PPP2R3A: variants seen among roughly 807,000 people sequenced by gnomAD.
PPP2R3A encodes the protein protein phosphatase 2 regulatory subunit B''alpha.
PPP2R3A carries 80 observed loss-of-function variants against 106.9 expected under a neutral mutation model. That is an observed-to-expected ratio of 0.75 (90% CI 0.62 to 0.90). PPP2R3A has a LOEUF of 0.90. Ranked by LOEUF, PPP2R3A falls within the 40% of genes least tolerant of loss-of-function variation. PPP2R3A has a pLI of 0.00. For missense variants in PPP2R3A, 1,386 were observed against 1,350.4 expected (o/e 1.03, Z -0.41); for synonymous variants, 483 against 468.3 (o/e 1.03, Z -0.41).
At chr3:136,143,262 G>A (rs1938949808) in intron 13 of PPP2R3A, among the ~76,000 whole-genome samples, 1 of 152,196 alleles carries the variant, frequency 6.6e-6, no homozygotes, top group East Asian at 1.9e-4. Context: ...GCTGATGGGG[G>A]TGGATCACCT....
At chr3:135,986,895 A>C (rs1475755651) in intron 1 of PPP2R3A, among the ~76,000 whole-genome samples, 1 of 152,172 alleles carries the variant, frequency 6.6e-6, no homozygotes, top group South Asian at 2.1e-4. Flanking sequence ...ATTTAATGTA[A>C]ACATCGTAGT....
intron 13 of PPP2R3A, among the ~76,000 whole-genome samples, chr3:136,117,344 A>G (rs184227311): frequency 2.6e-5 from 4 of 152,252 alleles, no homozygotes. Context: ...AAGCAAGAGC[A>G]AACAAAAAGC....
intron 7 of PPP2R3A, chr3:136,079,053 T>C (rs1176888726): frequency 3.0e-6 from 1 of 335,528 alleles, no homozygotes; most frequent in Non-Finnish European, 6.0e-6. Context: ...TGGAAGAAAA[T>C]GAAATGTTTT....
intron 1 of PPP2R3A, among the ~76,000 whole-genome samples, chr3:136,000,385 A>G (rs539106784): frequency 2.8e-4 from 42 of 152,200 alleles, no homozygotes; most frequent in Non-Finnish European, 5.0e-4. Flanking sequence ...TATATTTTAA[A>G]AGCTGTTCTT....
intron 4 of PPP2R3A, among the ~76,000 whole-genome samples, chr3:136,044,311 T>A (rs1935396664): frequency 6.6e-6 from 1 of 152,148 alleles, no homozygotes; most frequent in Admixed American, 6.5e-5. Flanking sequence ...TCTTCCTTAA[T>A]CACTTGTTGA....
rs199782139 is a variant in PPP2R3A at position 136,001,897 on chromosome 3, A to G, written c.399A>G (p.Lys133=). 1.8e-5 allele frequency: 29 copies of G among 1,614,188 alleles called. No homozygotes were observed. The East Asian group carries it at 6.0e-4, about 33-fold the overall frequency. Residue 133 remains lysine, a synonymous_variant, in exon 2 of 14, where the codon AAA becomes AAG. Transcript: ENST00000264977. The stretch of plus-strand genomic sequence containing the variant: ...AAGAATTTTCCTTTGAAAAACTCAA[A>G]AACTCTAACCATGCAGCTTACAGAA... ...KIKEFSFEKL[K]NSNHAAYRKG... is the part of the protein sequence containing the mutation.
chr3:136,071,328 C>T (rs540044685), intron 6 of PPP2R3A, among the ~76,000 whole-genome samples: 28 of 152,346 alleles, frequency 1.8e-4, no homozygotes, highest in Admixed American at 9.1e-4. Context: ...TAGGTCCTGC[C>T]GAGTTACAAA....
intron 3 of PPP2R3A, among the ~76,000 whole-genome samples, chr3:136,029,554 C>T (rs923014562): frequency 2.0e-5 from 3 of 152,106 alleles, no homozygotes; most frequent in East Asian, 1.9e-4. Context: ...GCCGGAGGAA[C>T]GACTTTGCCA....
chr3:136,036,548 C>T (rs1250081922), intron 3 of PPP2R3A, among the ~76,000 whole-genome samples: 1 of 152,188 alleles, frequency 6.6e-6, no homozygotes, highest in African/African-American at 2.4e-5. Flanking sequence ...GTTGTCTGCA[C>T]AGCGTCCTGT....
At chr3:136,085,526 C>G (rs1036173540) in intron 8 of PPP2R3A, among the ~76,000 whole-genome samples, 1 of 151,962 alleles carries the variant, frequency 6.6e-6, no homozygotes, top group Non-Finnish European at 1.5e-5. Context: ...GTGATCCACT[C>G]GCTTTGGCCT....
intron 1 of PPP2R3A, among the ~76,000 whole-genome samples, chr3:135,984,397 A>G (rs565226764): frequency 1.2e-4 from 19 of 152,296 alleles, no homozygotes; most frequent in South Asian, 4.1e-4. Flanking sequence ...TAACACTTCA[A>G]TGTTGACATA....
chr3:136,082,688 T>C (rs1936815215), intron 8 of PPP2R3A, among the ~76,000 whole-genome samples: 1 of 152,220 alleles, frequency 6.6e-6, no homozygotes, highest in Non-Finnish European at 1.5e-5. Flanking sequence ...TACTGGTGTG[T>C]ATTTTCTGAT....
At chr3:135,990,888 A>G (rs1309043383) in intron 1 of PPP2R3A, among the ~76,000 whole-genome samples, 4 of 151,812 alleles carry the variant, frequency 2.6e-5, no homozygotes, top group Non-Finnish European at 5.9e-5. Context: ...CGCAGCCACA[A>G]TTTGTAACCT....
chr3:136,014,313 T>C (rs756246407), intron 2 of PPP2R3A, among the ~76,000 whole-genome samples: 17 of 152,176 alleles, frequency 1.1e-4, no homozygotes, highest in Non-Finnish European at 1.8e-4. Context: ...CTTTTTTGGT[T>C]CCATATAAAT....
chr3:136,024,313 T>G (rs1934573801), intron 2 of PPP2R3A, among the ~76,000 whole-genome samples: 1 of 152,134 alleles, frequency 6.6e-6, no homozygotes, highest in Non-Finnish European at 1.5e-5. Context: ...ACTTTAAGGT[T>G]TAAATTATAT....
rs113213969 is a variant in PPP2R3A at position 136,144,969 on chromosome 3, G to A, written c.3330-74G>A. The A allele has an allele frequency of 3.9e-5, 59 of 1,518,784 alleles. 1 individual carries two copies. Among genetic ancestry groups the A allele is most frequent in the African/African-American group, 3.3e-4 (24 of 72,032 alleles). The allele number at this position is 1,518,784 out of a possible 1,614,324, so 94.1% of individuals were successfully genotyped here. A position where few individuals can be genotyped will look rare whatever the true frequency, so the allele number is the denominator to read the frequency against. ...CCTTTGTGGGCTGGTCTTGAGGCTC[G>A]GATTTGCCATATTGATTTCTACCCA... On this transcript the variant is annotated intron_variant, in intron 13 of 13. Transcript: ENST00000264977.
At chr3:136,020,117 A>G (rs562361237) in intron 2 of PPP2R3A, among the ~76,000 whole-genome samples, 2 of 152,224 alleles carry the variant, frequency 1.3e-5, no homozygotes, top group Non-Finnish European at 2.9e-5. Flanking sequence ...TTGAATGACT[A>G]TAAAATTAAA....
At position 136,003,025 on chromosome 3, in the gene PPP2R3A, A is replaced by G. The variant is rs1933699892; in HGVS notation, c.1527A>G (p.Ile509Met). 5.0e-6 allele frequency: 8 copies of G among 1,613,458 alleles called. No homozygotes were observed. In the East Asian group the frequency reaches 1.8e-4, roughly 36 times the overall value. Residue 509 changes from isoleucine (I) to methionine (M), a missense_variant, in exon 2 of 14, where the codon ATA (isoleucine) becomes ATG (methionine). Coordinates refer to ENST00000264977, the MANE Select transcript of PPP2R3A (RefSeq NM_002718.5). ...DFTNSSSQEEIDKLLMDLESF... is the reference protein window; with the variant it reads ...DFTNSSSQEEMDKLLMDLESF... ...CAAATTCCAGTAGCCAGGAAGAGAT[A>G]GATAAATTGTTAATGGATTTGGAAT...
At chr3:136,047,898 C>G (rs1379910275) in intron 4 of PPP2R3A, among the ~76,000 whole-genome samples, 1 of 151,022 alleles carries the variant, frequency 6.6e-6, no homozygotes, top group Non-Finnish European at 1.5e-5. Context: ...GAGCGAGACT[C>G]CGTCTCAAAA....
Sources: gnomAD v4.1 joint callset for allele counts (sites outside exome capture counted in the v4.1 genomes callset) on GRCh38, gnomAD v4.1.1 for gene constraint, MANE v1.5 for transcripts, NCBI Gene and HGNC (gene_info 2026-07-23, HGNC 2026-07-21) for gene names.